Variants in HIVEP3 observed in about 807,000 individuals in gnomAD.
HIVEP3 encodes transcription factor HIVEP3.
HIVEP3 carries 49 observed loss-of-function variants against 152.8 expected under a neutral mutation model. That is an observed-to-expected ratio of 0.32 (90% CI 0.26 to 0.41). The LOEUF is 0.41. Ranked by LOEUF, HIVEP3 falls within the 10% of genes least tolerant of loss-of-function variation. The pLI is 1.00. For missense variants in HIVEP3, 2,790 were observed against 3,103.3 expected (o/e 0.90, Z 2.40); for synonymous variants, 1,269 against 1,289.0 (o/e 0.98, Z 0.33).
At chr1:41,799,067 T>C (rs904225130) in intron 1 of HIVEP3, among the ~76,000 whole-genome samples, 1 of 152,228 alleles carries the variant, frequency 6.6e-6, no homozygotes, top group Non-Finnish European at 1.5e-5. Context: ...GAACCTTTAA[T>C]ATCCTGATGA....
At chr1:41,613,663 A>G (rs1297553190) in intron 3 of HIVEP3, among the ~76,000 whole-genome samples, 1 of 152,252 alleles carries the variant, frequency 6.6e-6, no homozygotes, top group Non-Finnish European at 1.5e-5. Context: ...AACTCTTTAA[A>G]TGCTGTCTAG....
rs922139116 is a variant in HIVEP3 at position 41,582,590 on chromosome 1, C to T, written c.2208G>A (p.Gln736=). ...EPPAFESTKS[Q]FGSPGPSDAA... ...CATCAGATGGCCCGGGGCTGCCAAA[C>T]TGACTTTTTGTGGACTCAAAGGCAG... is the stretch of plus-strand genomic sequence containing the variant. The change falls in exon 4 of 9, where the codon CAG becomes CAA. Residue 736 remains glutamine (Q), a synonymous_variant. Transcript: ENST00000372583. This position sits in a 1 kb window ranked among gnomAD's most constrained non-coding sequence, Gnocchi z 4.7. The T allele has an allele frequency of 3.1e-6, 5 of 1,612,448 alleles. No individual in the cohort carries two copies. The highest frequency in any genetic ancestry group is 1.3e-5 in the African/African-American group (1 of 74,798).
At chr1:41,897,204 T>C (rs1644543511) in intron 1 of HIVEP3, among the ~76,000 whole-genome samples, 1 of 152,028 alleles carries the variant, frequency 6.6e-6, no homozygotes, top group South Asian at 2.1e-4. Context: ...TGCAGAAACA[T>C]CAGAGGTAAG....
At chr1:41,969,098 T>C (rs905009448) in intron 1 of HIVEP3, among the ~76,000 whole-genome samples, 8 of 152,172 alleles carry the variant, frequency 5.3e-5, no homozygotes, top group African/African-American at 1.9e-4. Flanking sequence ...TGTTCATGGA[T>C]AGGAAGAATC....
chr1:41,700,607 C>A (rs775660423), intron 2 of HIVEP3, among the ~76,000 whole-genome samples: 1 of 152,128 alleles, frequency 6.6e-6, no homozygotes, highest in African/African-American at 2.4e-5. Flanking sequence ...GAAACAGAGA[C>A]CCAGAAAGGA....
intron 5 of HIVEP3, among the ~76,000 whole-genome samples, chr1:41,527,208 G>GC (rs1642991586): frequency 5.2e-5 from 3 of 57,158 alleles, no homozygotes; most frequent in African/African-American, 7.2e-5. Flanking sequence ...TCCCACACAT[G>GC]CTCACCCTCA....
chr1:41,993,998 T>C (rs1016223910), intron 1 of HIVEP3, among the ~76,000 whole-genome samples: 1 of 96,846 alleles, frequency 1.0e-5, no homozygotes, highest in African/African-American at 4.1e-5. Flanking sequence ...TGGGGACTGT[T>C]GTGGGGTGGG....
At chr1:41,751,526 G>A (rs1417548689) in intron 1 of HIVEP3, among the ~76,000 whole-genome samples, 1 of 152,024 alleles carries the variant, frequency 6.6e-6, no homozygotes, top group East Asian at 1.9e-4. Flanking sequence ...AGGATGTGGT[G>A]AGGAGGGAAG....
At chr1:41,688,877 A>T (rs1433675496) in intron 2 of HIVEP3, among the ~76,000 whole-genome samples, 2 of 151,638 alleles carry the variant, frequency 1.3e-5, no homozygotes, top group South Asian at 4.2e-4. Context: ...CCTGGAACAC[A>T]GGCCACCACC....
At chr1:41,733,689 G>T (rs1646875863) in intron 1 of HIVEP3, among the ~76,000 whole-genome samples, 2 of 152,252 alleles carry the variant, frequency 1.3e-5, no homozygotes, top group African/African-American at 4.8e-5. Flanking sequence ...AATTGGTTCT[G>T]CAAAAGAAAG....
Position 41,701,673 on chromosome 1 carries a change from C to A in HIVEP3, c.-800-678G>T, listed in dbSNP as rs574320647. Among the ~76,000 whole-genome samples the A allele has an allele frequency of 2.0e-4, 31 of 152,312 alleles. No individual in the cohort carries two copies. In the South Asian group the frequency reaches 5.8e-3, roughly 29 times the overall value. Reference sequence around the variant, plus strand: ...CAAACTCCTGATGGTAACTGTATACCTATTATCTTCTCATTGAGAAAATAA... The same window carrying A: ...CAAACTCCTGATGGTAACTGTATACATATTATCTTCTCATTGAGAAAATAA... On this transcript the variant is annotated intron_variant, in intron 1 of 8. Transcript: ENST00000372583.
chr1:41,815,669 T>A (rs1268073764), intron 1 of HIVEP3, among the ~76,000 whole-genome samples: 2 of 151,630 alleles, frequency 1.3e-5, no homozygotes, highest in African/African-American at 4.8e-5. Flanking sequence ...TTAGCTTTTA[T>A]CCTAGTGGCA....
chr1:41,756,846 T>G (rs928878743), intron 1 of HIVEP3, among the ~76,000 whole-genome samples: 3 of 152,222 alleles, frequency 2.0e-5, no homozygotes, highest in Non-Finnish European at 4.4e-5. Flanking sequence ...GATCTCAGTA[T>G]AGTGCCTGAC....
At chr1:41,920,587 T>TTG (rs1553134909), upstream of HIVEP3, among the ~76,000 whole-genome samples, 412 of 72,622 alleles carry the variant, frequency 5.7e-3, 3 homozygotes, top group East Asian at 0.026. Flanking sequence ...GTTTTTTTTT[T>TTG]TTTGTTTTGT....
intron 1 of HIVEP3, among the ~76,000 whole-genome samples, chr1:42,013,730 T>C (rs1280343516): frequency 6.6e-6 from 1 of 152,180 alleles, no homozygotes; most frequent in Non-Finnish European, 1.5e-5. Context: ...AGGAATACTT[T>C]AGGTGCTGCT....
At chr1:41,646,474 G>T (rs1288730956) in intron 2 of HIVEP3, among the ~76,000 whole-genome samples, 1 of 152,232 alleles carries the variant, frequency 6.6e-6, no homozygotes, top group African/African-American at 2.4e-5. Context: ...TGAGAAACAG[G>T]AGGGCTTATG....
rs149402036 is a variant in HIVEP3 at position 41,959,538 on chromosome 1, A to T, written n.120-41014T>A. 1.2e-4 allele frequency among the ~76,000 whole-genome samples: 18 copies of T among 152,354 alleles called. No individual in the cohort carries two copies. The East Asian group carries it at 3.5e-3, about 29-fold the overall frequency. On this transcript the variant is annotated intron_variant and non_coding_transcript_variant, in intron 1 of 3. Transcript: ENST00000489103. Reference sequence around the variant, plus strand: ...TGCTGCTGGCCTGATCGAGCATTGGAACAACCTCTTAAAAGCATAGTTAAG... The same window carrying T: ...TGCTGCTGGCCTGATCGAGCATTGGTACAACCTCTTAAAAGCATAGTTAAG...
intron 3 of HIVEP3, among the ~76,000 whole-genome samples, chr1:41,621,833 T>C (rs1645051748): frequency 6.6e-6 from 1 of 152,204 alleles, no homozygotes; most frequent in Non-Finnish European, 1.5e-5. Flanking sequence ...TGCTCTTCTC[T>C]TATGACTTCC....
intron 5 of HIVEP3, 136 bp downstream of exon 5, chr1:41,575,408 T>C: frequency 1.2e-6 from 1 of 857,378 alleles, no homozygotes; most frequent in Non-Finnish European, 1.8e-6. Flanking sequence ...TGATGTCTGC[T>C]GAAAGGCATC....
Sources: gnomAD v4.1 joint callset for allele counts (sites outside exome capture counted in the v4.1 genomes callset) on GRCh38, gnomAD v4.1.1 for gene constraint, Gnocchi (gnomAD v3.1) non-coding constraint, MANE v1.5 for transcripts, NCBI Gene and HGNC (gene_info 2026-07-23, HGNC 2026-07-21) for gene names.